The following SLC35F4 variants were observed in gnomAD, a reference collection of about 807,000 sequenced individuals.
The protein encoded by SLC35F4 is chromosome 14 open reading frame 36.
In SLC35F4, 24 loss-of-function variants were observed where a neutral mutation model predicts 44.2. The observed-to-expected ratio is 0.54, with a 90% CI of 0.39 to 0.76. The LOEUF (loss-of-function observed/expected upper bound fraction) is 0.76. Among genes scored for constraint, SLC35F4 ranks in the 30% least tolerant of loss-of-function variants. SLC35F4 has a pLI of 0.00. For synonymous variants in SLC35F4, 238 were observed against 223.6 expected (o/e 1.06, Z -0.57); for missense variants, 562 against 586.1 (o/e 0.96, Z 0.42).
intron 1 of SLC35F4, among the ~76,000 whole-genome samples, chr14:57,814,818 G>A (rs1198496344): frequency 1.3e-5 from 2 of 152,164 alleles, no homozygotes; most frequent in Non-Finnish European, 2.9e-5. Context: ...TAAATTAAAT[G>A]AGACTGCATT....
At chr14:57,964,991 A>ATATATATATATATATAT (rs1279192848) in intron 1 of SLC35F4, among the ~76,000 whole-genome samples, 19 of 115,670 alleles carry the variant, frequency 1.6e-4, no homozygotes, top group African/African-American at 6.6e-4. Flanking sequence ...AAAAAAAAAA[A>ATATATATATATATATAT]ATATATATAT....
rs4586341 is a variant in SLC35F4, at chr14:57,822,799, A to G, written c.103+42924T>C. Among the ~76,000 whole-genome samples the G allele has an allele frequency of 6.2e-3, 943 of 152,080 alleles. 11 individuals are homozygous for G. The highest frequency in any genetic ancestry group is 0.034 in the Middle Eastern group (10 of 294). ...TGGTTTTCCTCCTACTTTGAGGTCAATTTTTTTCTCCACCACTCTTGTGGC... is the reference window on the plus strand; with the variant it reads ...TGGTTTTCCTCCTACTTTGAGGTCAGTTTTTTTCTCCACCACTCTTGTGGC... On this transcript the variant is annotated intron_variant, in intron 1 of 7. Coordinates refer to ENST00000556826, the MANE Select transcript of SLC35F4 (RefSeq NM_001306087.2).
At chr14:57,605,775 C>T (rs575040392) in intron 1 of SLC35F4, among the ~76,000 whole-genome samples, 1 of 151,730 alleles carries the variant, frequency 6.6e-6, no homozygotes, top group African/African-American at 2.4e-5. Flanking sequence ...GAATATTATA[C>T]AGCCACAAAA....
intron 1 of SLC35F4, among the ~76,000 whole-genome samples, chr14:57,915,772 G>T (rs992827984): frequency 1.3e-5 from 2 of 152,062 alleles, no homozygotes; most frequent in African/African-American, 4.8e-5. Flanking sequence ...CCAATATTTT[G>T]ATCACAACCA....
chr14:57,635,640 A>G (rs1394066920), intron 1 of SLC35F4, among the ~76,000 whole-genome samples: 3 of 152,222 alleles, frequency 2.0e-5, no homozygotes, highest in South Asian at 2.1e-4. Flanking sequence ...GAAGCCAGTA[A>G]AGGAGACAGA....
chr14:57,813,006 C>G (rs574395314), intron 1 of SLC35F4, among the ~76,000 whole-genome samples: 90 of 152,254 alleles, frequency 5.9e-4, no homozygotes, highest in African/African-American at 2.1e-3. Context: ...TTGATTAATT[C>G]ATTTGATTCT....
chr14:57,653,610 G>A (rs1479280104), intron 1 of SLC35F4, among the ~76,000 whole-genome samples: 1 of 152,134 alleles, frequency 6.6e-6, no homozygotes, highest in Non-Finnish European at 1.5e-5. Flanking sequence ...TAAAACAACT[G>A]TCAGAAACAC....
At chr14:57,823,858 CA>C in intron 1 of SLC35F4, among the ~76,000 whole-genome samples, 2 of 152,032 alleles carry the variant, frequency 1.3e-5, no homozygotes, top group African/African-American at 4.8e-5. Flanking sequence ...GAAAAAATAA[CA>C]AAATAAGGCA....
At chr14:57,946,556 CCT>C (rs1287628968) in intron 1 of SLC35F4, among the ~76,000 whole-genome samples, 4 of 148,784 alleles carry the variant, frequency 2.7e-5, no homozygotes, top group African/African-American at 1.0e-4. Context: ...CTCACTGCAA[CCT>C]CTGCCTCTCA....
Position 57,639,944 on chromosome 14 carries a change from T to G in SLC35F4, c.104-45820A>C, listed in dbSNP as rs182652334. ...ACATCATGGTCATGTGTGGTCATTATCTCAATTTTAGCTTCAAGAAACAAA... is the reference window on the plus strand; with the variant it reads ...ACATCATGGTCATGTGTGGTCATTAGCTCAATTTTAGCTTCAAGAAACAAA... On this transcript the variant is annotated intron_variant, in intron 1 of 7. Transcript: ENST00000556826. Among the ~76,000 whole-genome samples, 516 of 152,088 alleles carry G rather than the reference T, an allele frequency of 3.4e-3. 6 individuals carry two copies. The highest frequency in any genetic ancestry group is 0.011 in the African/African-American group (474 of 41,508).
At chr14:57,774,559 G>C (rs2077443731) in intron 1 of SLC35F4, among the ~76,000 whole-genome samples, 1 of 152,172 alleles carries the variant, frequency 6.6e-6, no homozygotes, top group African/African-American at 2.4e-5. Context: ...AACCCTGCGA[G>C]GTAGTCTTGC....
intron 1 of SLC35F4, among the ~76,000 whole-genome samples, chr14:57,639,907 C>T (rs10782435): frequency 0.62 from 94,330 of 151,690 alleles, 29,812 homozygotes; most frequent in Non-Finnish European, 0.68. Flanking sequence ...TTTTAGCTCA[C>T]GGTGCCCATC....
intron 1 of SLC35F4, among the ~76,000 whole-genome samples, chr14:57,897,773 C>T (rs985500764): frequency 3.3e-5 from 5 of 152,096 alleles, no homozygotes; most frequent in Admixed American, 1.3e-4. Flanking sequence ...GAGCAGTTAC[C>T]CAGAGCATCA....
intron 1 of SLC35F4, among the ~76,000 whole-genome samples, chr14:57,885,422 G>T (rs1403580282): frequency 2.0e-5 from 3 of 152,162 alleles, no homozygotes; most frequent in African/African-American, 7.2e-5. Flanking sequence ...GTTGATGTTT[G>T]ACTGAATAAC....
At chr14:57,832,918 G>A (rs1435017064) in intron 1 of SLC35F4, among the ~76,000 whole-genome samples, 1 of 152,102 alleles carries the variant, frequency 6.6e-6, no homozygotes, top group Non-Finnish European at 1.5e-5. Flanking sequence ...TTTTCTGTCA[G>A]CCTAGCCAAC....
chr14:57,773,904 T>A (rs2077427530), intron 1 of SLC35F4, among the ~76,000 whole-genome samples: 1 of 152,126 alleles, frequency 6.6e-6, no homozygotes, highest in African/African-American at 2.4e-5. Context: ...AAGAAAAATA[T>A]CTCCCAGACC....
At chr14:57,661,377 T>A (rs541397388) in intron 1 of SLC35F4, among the ~76,000 whole-genome samples, 15 of 152,318 alleles carry the variant, frequency 9.8e-5, no homozygotes, top group South Asian at 8.3e-4. Context: ...GCCTGACGGA[T>A]CATGCTCTCA....
intron 1 of SLC35F4, among the ~76,000 whole-genome samples, chr14:57,608,794 GGGCGGC>G (rs1294451902): frequency 0.021 from 432 of 20,778 alleles, 6 homozygotes; most frequent in African/African-American, 0.031. Context: ...GGCCGGGGGG[GGGCGGC>G]GGGGGGAGAG....
At chr14:57,961,037 C>T (rs1890330137) in intron 1 of SLC35F4, among the ~76,000 whole-genome samples, 1 of 152,094 alleles carries the variant, frequency 6.6e-6, no homozygotes. Flanking sequence ...GGCAATGGAC[C>T]CCCAACTCAG....
Sources: allele counts gnomAD v4.1 joint callset (sites outside exome capture counted in the v4.1 genomes callset), GRCh38; gene constraint gnomAD v4.1.1; transcripts MANE v1.5; gene names NCBI Gene and HGNC (gene_info 2026-07-23, HGNC 2026-07-21).